SHOC2: variants seen among roughly 807,000 people sequenced by gnomAD.
SHOC2 encodes SHOC2 leucine rich repeat scaffold protein.
A neutral mutation model predicts 50.2 loss-of-function variants in SHOC2; 4 were observed. That is an observed-to-expected ratio of 0.08 (90% CI 0.04 to 0.18). The LOEUF is 0.18. Ranked by LOEUF, SHOC2 falls within the 10% of genes least tolerant of loss-of-function variation. SHOC2 has a pLI of 1.00. For synonymous variants in SHOC2, 218 were observed against 244.5 expected (o/e 0.89, Z 1.01); for missense variants, 388 against 669.6 (o/e 0.58, Z 4.64).
In SHOC2 at chr10:110,991,321, G is replaced by A. The variant is rs550706426; in HGVS notation, c.841+5556G>A. Reference sequence around the variant, plus strand: ...GTGTTTTAAGTGTGTTTACTAATATGAAAACATTTGATTTTATTATTAATC... The same window carrying A: ...GTGTTTTAAGTGTGTTTACTAATATAAAAACATTTGATTTTATTATTAATC... On this transcript the variant is annotated intron_variant, in intron 3 of 8. Transcript: ENST00000369452. Among the ~76,000 whole-genome samples the A allele has an allele frequency of 2.0e-5, 3 of 152,160 alleles. No individual in the cohort carries two copies. The South Asian group carries it at 6.2e-4, about 32-fold the overall frequency.
At chr10:110,946,042 G>C (rs1847240241) in intron 1 of SHOC2, among the ~76,000 whole-genome samples, 1 of 151,944 alleles carries the variant, frequency 6.6e-6, no homozygotes, top group South Asian at 2.1e-4. Flanking sequence ...CTGCATCTTT[G>C]TGGGATTGTC....
chr10:110,932,392 T>A (rs966176812), intron 1 of SHOC2, among the ~76,000 whole-genome samples: 2 of 152,152 alleles, frequency 1.3e-5, no homozygotes, highest in African/African-American at 4.8e-5. Flanking sequence ...GTGATTAGGT[T>A]AAGAACAGGA....
intron 1 of SHOC2, chr10:110,936,965 TG>T: frequency 6.9e-7 from 1 of 1,448,774 alleles, no homozygotes; most frequent in Non-Finnish European, 9.7e-7. Flanking sequence ...CTTGGTCTTG[TG>T]GGGCAGCATA....
chr10:110,988,842 C>T (rs768458203), intron 3 of SHOC2: 2 of 446,234 alleles, frequency 4.5e-6, no homozygotes, highest in Non-Finnish European at 9.0e-6. Context: ...GCTTCAGCAG[C>T]ATCCCACAAA....
chr10:110,993,773 C>G (rs1179363297), intron 3 of SHOC2, among the ~76,000 whole-genome samples: 2 of 152,164 alleles, frequency 1.3e-5, no homozygotes, highest in African/African-American at 4.8e-5. Flanking sequence ...GAATCTGGTT[C>G]TATTTACTAG....
At chr10:110,978,242 A>G (rs1208680807) in intron 2 of SHOC2, among the ~76,000 whole-genome samples, 1 of 152,140 alleles carries the variant, frequency 6.6e-6, no homozygotes, top group Non-Finnish European at 1.5e-5. Context: ...TTTCTCAAAC[A>G]TTTTGTTCAT....
At chr10:110,994,864 T>C (rs1048723421) in intron 3 of SHOC2, among the ~76,000 whole-genome samples, 63 of 152,194 alleles carry the variant, frequency 4.1e-4, no homozygotes, top group African/African-American at 1.4e-3. Flanking sequence ...TGTTAGTAGT[T>C]CCTTCCCGGC....
intron 1 of SHOC2, among the ~76,000 whole-genome samples, chr10:110,927,314 A>G (rs561147886): frequency 7.0e-4 from 106 of 152,284 alleles, no homozygotes; most frequent in African/African-American, 2.4e-3. Context: ...AATAAATTAC[A>G]TTTTATTTTA....
At chr10:111,005,141 T>C (rs1333274932) in intron 5 of SHOC2, among the ~76,000 whole-genome samples, 3 of 152,040 alleles carry the variant, frequency 2.0e-5, no homozygotes, top group Admixed American at 2.0e-4. Context: ...TTTTAAAAAT[T>C]AGCTGGCCTG....
chr10:110,940,910 G>GTTTTTTTTTTTTTTTTTTTTTTTTTT (rs539552844), intron 1 of SHOC2, among the ~76,000 whole-genome samples: 1 of 119,482 alleles, frequency 8.4e-6, no homozygotes, highest in Non-Finnish European at 1.7e-5. Context: ...TTTGTGGTGG[G>GTTTTTTTTTTTTTTTTTTTTTTTTTT]TTTTTTTTTT....
intron 5 of SHOC2, among the ~76,000 whole-genome samples, chr10:111,005,134 T>A (rs1412476309): frequency 3.9e-5 from 6 of 152,078 alleles, no homozygotes; most frequent in African/African-American, 1.4e-4. Flanking sequence ...AAAAATTTTT[T>A]AAAAATTAGC....
chr10:110,940,516 G>T (rs538896759), intron 1 of SHOC2, among the ~76,000 whole-genome samples: 23 of 152,250 alleles, frequency 1.5e-4, no homozygotes, highest in African/African-American at 5.3e-4. Context: ...ATGTGATTTT[G>T]CATGTATCAT....
intron 1 of SHOC2, among the ~76,000 whole-genome samples, chr10:110,939,188 C>G (rs1311385362): frequency 1.3e-5 from 2 of 151,864 alleles, no homozygotes; most frequent in Non-Finnish European, 2.9e-5. Flanking sequence ...GATTTTTTTG[C>G]TATTTTTTTT....
intron 3 of SHOC2, among the ~76,000 whole-genome samples, chr10:110,997,172 T>G (rs1848283311): frequency 6.6e-6 from 1 of 152,222 alleles, no homozygotes; most frequent in Non-Finnish European, 1.5e-5. Flanking sequence ...ATATATAGTC[T>G]AATATACTAT....
intron 2 of SHOC2, among the ~76,000 whole-genome samples, chr10:110,978,231 T>G (rs2134138598): frequency 6.6e-6 from 1 of 152,322 alleles, no homozygotes; most frequent in African/African-American, 2.4e-5. Context: ...CTGCAAACCA[T>G]TTTCTCAAAC....
intron 2 of SHOC2, among the ~76,000 whole-genome samples, chr10:110,982,934 G>T (rs1002187178): frequency 1.3e-5 from 2 of 152,110 alleles, no homozygotes; most frequent in Non-Finnish European, 2.9e-5. Flanking sequence ...TTTGGTAAAA[G>T]TCTGCAGTGA....
chr10:110,928,083 G>A (rs936693191), intron 1 of SHOC2, among the ~76,000 whole-genome samples: 8 of 152,176 alleles, frequency 5.3e-5, no homozygotes, highest in South Asian at 2.1e-4. Flanking sequence ...TTGGGAGGCC[G>A]AGGCGGGTGG....
At chr10:110,998,752 T>A (rs1848314737) in intron 3 of SHOC2, among the ~76,000 whole-genome samples, 1 of 152,220 alleles carries the variant, frequency 6.6e-6, no homozygotes, top group Non-Finnish European at 1.5e-5. Context: ...ATTTTTTTAT[T>A]ATCAATGACT....
intron 1 of SHOC2, among the ~76,000 whole-genome samples, chr10:110,944,047 A>G (rs1001123897): frequency 1.3e-5 from 2 of 152,212 alleles, no homozygotes; most frequent in African/African-American, 4.8e-5. Context: ...TCAAAGGAAG[A>G]CCTGCCTATT....
Sources: gnomAD v4.1 joint callset for allele counts (sites outside exome capture counted in the v4.1 genomes callset) on GRCh38, gnomAD v4.1.1 for gene constraint, MANE v1.5 for transcripts, NCBI Gene and HGNC (gene_info 2026-07-23, HGNC 2026-07-21) for gene names.